The following TIAM1 variants were observed in gnomAD, a reference collection of about 807,000 sequenced individuals.
The protein encoded by TIAM1 is rho guanine nucleotide exchange factor TIAM1.
A neutral mutation model predicts 163.5 loss-of-function variants in TIAM1; 65 were observed. The observed-to-expected ratio is 0.40, with a 90% CI of 0.33 to 0.49. The LOEUF (loss-of-function observed/expected upper bound fraction) is 0.49, where lower values mean the gene tolerates loss of function less well. TIAM1 is among the 20% of genes least tolerant of loss of function. The pLI, the probability that TIAM1 is intolerant of heterozygous loss-of-function variation, is 0.77. For synonymous variants in TIAM1, 833 were observed against 810.1 expected, an observed-to-expected ratio of 1.03 and a Z score of -0.48; for missense variants, 1,789 against 2,044.7, an observed-to-expected ratio of 0.87 and a Z score of 2.41.
chr21:31,202,795 G>T, intron 12 of TIAM1, 113 bp downstream of exon 12: 2 of 983,064 alleles, frequency 2.0e-6, no homozygotes, highest in Non-Finnish European at 3.1e-6. Context: ...TATGAATGAA[G>T]CTCATTTATT....
chr21:31,394,471 C>G (rs2077018108), intron 2 of TIAM1, among the ~76,000 whole-genome samples: 2 of 152,062 alleles, frequency 1.3e-5, no homozygotes, highest in South Asian at 4.1e-4. Flanking sequence ...AGGTACAACA[C>G]TGAGAGTGAA....
intron 3 of TIAM1, among the ~76,000 whole-genome samples, chr21:31,268,288 G>A (rs1023019777): frequency 6.6e-6 from 1 of 152,160 alleles, no homozygotes; most frequent in Non-Finnish European, 1.5e-5. Flanking sequence ...GCCAGGGAAG[G>A]CACGTGATAG....
At chr21:31,469,863 T>G (rs925490677) in intron 1 of TIAM1, among the ~76,000 whole-genome samples, 2 of 151,464 alleles carry the variant, frequency 1.3e-5, no homozygotes, top group Admixed American at 1.3e-4. Context: ...AAAATCAATT[T>G]TCTATCTTTG....
chr21:31,211,424 T>C (rs1294812134), intron 10 of TIAM1, among the ~76,000 whole-genome samples: 1 of 152,228 alleles, frequency 6.6e-6, no homozygotes, highest in Non-Finnish European at 1.5e-5. Flanking sequence ...GCCTTCATTA[T>C]TGATTTATAA....
intron 16 of TIAM1, among the ~76,000 whole-genome samples, chr21:31,155,961 C>T (rs2833310): frequency 0.056 from 8,511 of 152,250 alleles, 803 homozygotes; most frequent in African/African-American, 0.19. Flanking sequence ...CATGAGAATA[C>T]CCTCCCAAAA....
intron 1 of TIAM1, among the ~76,000 whole-genome samples, chr21:31,515,733 T>G (rs1288746276): frequency 1.3e-5 from 2 of 152,076 alleles, no homozygotes; most frequent in Non-Finnish European, 2.9e-5. Context: ...CCAGACTCGG[T>G]CAGAATTTCC....
At position 31,428,839 on chromosome 21, in the gene TIAM1, C is replaced by T. The variant is rs186681089; in HGVS notation, c.-369+35144G>A. Among the ~76,000 whole-genome samples the T allele has an allele frequency of 2.7e-3, 401 of 150,614 alleles. 4 individuals carry two copies. The highest frequency in any genetic ancestry group is 9.5e-3 in the African/African-American group (389 of 40,952). ...CCAAGGCTGCAGTGAGCTGAGATCA[C>T]GCCACTGTACTCCAGCCTGGGTGAC... On this transcript the variant is annotated intron_variant, in intron 2 of 28. Transcript: ENST00000286827.
chr21:31,323,077 C>A (rs947400457), intron 2 of TIAM1, among the ~76,000 whole-genome samples: 4 of 151,106 alleles, frequency 2.6e-5, no homozygotes, highest in African/African-American at 9.7e-5. Flanking sequence ...ATCATGAGGT[C>A]AAGAGATCGA....
At chr21:31,233,156 A>G (rs1255681927) in intron 6 of TIAM1, among the ~76,000 whole-genome samples, 1 of 152,218 alleles carries the variant, frequency 6.6e-6, no homozygotes, top group African/African-American at 2.4e-5. Context: ...AAACACGAGA[A>G]ATACTAGGGA....
chr21:31,428,407 C>T (rs2043876159), intron 2 of TIAM1, among the ~76,000 whole-genome samples: 1 of 152,056 alleles, frequency 6.6e-6, no homozygotes, highest in Non-Finnish European at 1.5e-5. Context: ...TAGTAAGTCC[C>T]CAGGACAGGA....
chr21:31,438,499 G>C (rs1013813408), intron 2 of TIAM1, among the ~76,000 whole-genome samples: 1 of 152,014 alleles, frequency 6.6e-6, no homozygotes, highest in Non-Finnish European at 1.5e-5. Context: ...GCATATTTGT[G>C]ATCTTTTCCA....
intron 3 of TIAM1, among the ~76,000 whole-genome samples, chr21:31,269,669 TTG>T (rs1356954891): frequency 1.3e-3 from 170 of 132,328 alleles, no homozygotes; most frequent in African/African-American, 5.0e-3. Context: ...TTAAGTTTGT[TTG>T]TTTTTTTTTT....
At chr21:31,186,681 T>G (rs1261618353) in intron 14 of TIAM1, among the ~76,000 whole-genome samples, 1 of 152,024 alleles carries the variant, frequency 6.6e-6, no homozygotes, top group Non-Finnish European at 1.5e-5. Context: ...CCTGGGGGGC[T>G]GAGGTGAGAG....
chr21:31,414,720 C>T (rs1295700325), intron 2 of TIAM1, among the ~76,000 whole-genome samples: 4 of 152,232 alleles, frequency 2.6e-5, no homozygotes, highest in Non-Finnish European at 5.9e-5. Flanking sequence ...AAAAGAAATT[C>T]TCTCTTCTGT....
chr21:31,388,105 C>T (rs1295510231), intron 2 of TIAM1, among the ~76,000 whole-genome samples: 2 of 151,842 alleles, frequency 1.3e-5, no homozygotes, highest in African/African-American at 4.8e-5. Flanking sequence ...TAGCAGACGC[C>T]GCAAAAAGCT....
intron 2 of TIAM1, among the ~76,000 whole-genome samples, chr21:31,294,758 T>A (rs1415756496): frequency 6.6e-6 from 1 of 152,198 alleles, no homozygotes; most frequent in Non-Finnish European, 1.5e-5. Context: ...TCAAGTGTAT[T>A]CACTAAATAG....
intron 2 of TIAM1, among the ~76,000 whole-genome samples, chr21:31,434,450 C>T (rs575771346): frequency 2.5e-4 from 38 of 152,142 alleles, no homozygotes; most frequent in Non-Finnish European, 5.0e-4. Context: ...GATAACCATG[C>T]CACCATTTGA....
intron 2 of TIAM1, among the ~76,000 whole-genome samples, chr21:31,332,591 T>C (rs1397912667): frequency 6.6e-6 from 1 of 151,554 alleles, no homozygotes; most frequent in Non-Finnish European, 1.5e-5. Context: ...CTCACTCACC[T>C]CACTCAAAAA....
chr21:31,477,579 ATTC>A (rs1289399962), intron 1 of TIAM1, among the ~76,000 whole-genome samples: 5 of 151,428 alleles, frequency 3.3e-5, no homozygotes, highest in Non-Finnish European at 7.4e-5. Flanking sequence ...GGTTCAAGCA[ATTC>A]TTCTGCCTCA....
Sources: allele counts gnomAD v4.1 joint callset (sites outside exome capture counted in the v4.1 genomes callset), GRCh38; gene constraint gnomAD v4.1.1; transcripts MANE v1.5; gene names NCBI Gene and HGNC (gene_info 2026-07-23, HGNC 2026-07-21).